The following INTS6 variants were observed in gnomAD, a reference collection of about 807,000 sequenced individuals.
INTS6 encodes integrator complex subunit 6.
Under a neutral mutation model 104.9 loss-of-function variants are expected in INTS6, and 16 were observed. The observed-to-expected ratio is 0.15, with a 90% CI of 0.10 to 0.23. The LOEUF (loss-of-function observed/expected upper bound fraction) is 0.23. Ranked by LOEUF, INTS6 falls within the 10% of genes least tolerant of loss-of-function variation. INTS6 has a pLI of 1.00. For missense variants in INTS6, 584 were observed against 1,062.8 expected (o/e 0.55, Z 6.26); for synonymous variants, 324 against 358.7 (o/e 0.90, Z 1.09).
chr13:51,358,281 C>A (rs991678668), downstream of INTS6, among the ~76,000 whole-genome samples: 7 of 151,998 alleles, frequency 4.6e-5, no homozygotes, highest in African/African-American at 1.4e-4. Flanking sequence ...CTGGCTACAG[C>A]AAATAATTGT....
Position 51,389,448 on chromosome 13 carries a change from A to C in INTS6, c.614-4T>G. 2 of 1,589,688 alleles carry C rather than the reference A, an allele frequency of 1.3e-6. No individual in the cohort carries two copies. Among genetic ancestry groups the C allele is most frequent in the African/African-American group, 2.7e-5 (2 of 73,186 alleles). On this transcript the variant is annotated splice_region_variant and splice_polypyrimidine_tract_variant and intron_variant, in intron 5 of 17. Coordinates refer to ENST00000311234, the MANE Select transcript of INTS6 (RefSeq NM_012141.3). The stretch of plus-strand genomic sequence containing the variant: ...GAACACACAGAATATGAACGGCCTG[A>C]GATTAAAAAAAAGAAGAAGAAGAAG...
At chr13:51,344,567 A>G in the INTS6 span, 1 of 1,160,764 alleles carries the variant, frequency 8.6e-7, no homozygotes, top group Non-Finnish European at 1.3e-6. Flanking sequence ...GTCAGAGGCC[A>G]TGGTGCTCAG....
chr13:51,415,265 A>G (rs1956767628), intron 4 of INTS6, among the ~76,000 whole-genome samples: 2 of 152,194 alleles, frequency 1.3e-5, no homozygotes, highest in South Asian at 4.1e-4. Context: ...CCAGGGTCCC[A>G]TTCATCTAGA....
chr13:51,437,082 A>G (rs1190360346), intron 3 of INTS6: 3 of 152,246 alleles, frequency 2.0e-5, no homozygotes, highest in South Asian at 2.1e-4. Flanking sequence ...ACTTGGGAAA[A>G]TTTTATTCTA....
intron 3 of INTS6, chr13:51,447,604 C>G (rs1952944777): frequency 6.6e-6 from 1 of 152,022 alleles, no homozygotes; most frequent in Admixed American, 6.6e-5. Context: ...GCCATTCTAA[C>G]TCCTGGAACA....
At chr13:51,431,735 T>C (rs1957093929) in intron 3 of INTS6, among the ~76,000 whole-genome samples, 1 of 152,098 alleles carries the variant, frequency 6.6e-6, no homozygotes, top group African/African-American at 2.4e-5. Context: ...AAGAAAAAAA[T>C]GGTTCCGGGG....
chr13:51,411,998 A>G (rs750740305), intron 4 of INTS6, among the ~76,000 whole-genome samples: 2 of 152,236 alleles, frequency 1.3e-5, no homozygotes, highest in Non-Finnish European at 2.9e-5. Context: ...ATCTACTGAC[A>G]TATGCAGCAA....
the INTS6 span, chr13:51,341,277 G>A: frequency 6.2e-7 from 1 of 1,613,956 alleles, no homozygotes; most frequent in South Asian, 1.1e-5. Flanking sequence ...TCCCCCTGGA[G>A]ATCCTGCAGT....
At chr13:51,404,006 T>A (rs534362806) in intron 4 of INTS6, among the ~76,000 whole-genome samples, 2 of 150,880 alleles carry the variant, frequency 1.3e-5, no homozygotes, top group South Asian at 4.2e-4. Context: ...CAGGATTGCA[T>A]GAGGCCAGGA....
intron 4 of INTS6, among the ~76,000 whole-genome samples, chr13:51,424,650 C>T (rs150124454): frequency 6.6e-6 from 1 of 152,042 alleles, no homozygotes; most frequent in East Asian, 1.9e-4. Flanking sequence ...GATGAATTGA[C>T]AGAGACTAAC....
intron 3 of INTS6, chr13:51,354,981 G>A: frequency 1.3e-6 from 1 of 791,208 alleles, no homozygotes; most frequent in Non-Finnish European, 2.1e-6. Context: ...ACTTCATGTG[G>A]TGTGTATGAA....
intron 3 of INTS6, chr13:51,438,366 TTA>T (rs1458653808): frequency 6.6e-6 from 1 of 152,066 alleles, no homozygotes; most frequent in Non-Finnish European, 1.5e-5. Flanking sequence ...AAAAAAAGTT[TTA>T]TAAGCCTTCC....
intron 4 of INTS6, among the ~76,000 whole-genome samples, chr13:51,412,065 A>G (rs1241879022): frequency 6.6e-6 from 1 of 152,226 alleles, no homozygotes; most frequent in East Asian, 1.9e-4. Context: ...TATACAGTGT[A>G]TAATTTTTTG....
chr13:51,375,760 TGTGTGTGCGCGCGC>T (rs1444119830), intron 13 of INTS6, among the ~76,000 whole-genome samples: 4 of 151,276 alleles, frequency 2.6e-5, no homozygotes, highest in African/African-American at 9.8e-5. Flanking sequence ...TGTGTGTGTG[TGTGTGTGCGCGCGC>T]GTGCGCGCAT....
At chr13:51,340,556 G>T in the INTS6 span, among the ~76,000 whole-genome samples, 7 of 152,256 alleles carry the variant, frequency 4.6e-5, no homozygotes, top group African/African-American at 7.2e-5. Flanking sequence ...GGCCTCAAAG[G>T]TTCAATCATC....
chr13:51,338,841 T>A, the INTS6 span, among the ~76,000 whole-genome samples: 1 of 152,238 alleles, frequency 6.6e-6, no homozygotes, highest in African/African-American at 2.4e-5. Flanking sequence ...GTCCATTGAT[T>A]TTCAAATATT....
the INTS6 span, among the ~76,000 whole-genome samples, chr13:51,334,754 G>C: frequency 1.3e-5 from 2 of 152,124 alleles, 1 homozygote; most frequent in Middle Eastern, 6.3e-3. Context: ...GGCCGAGGCA[G>C]GTGGATCACC....
chr13:51,385,307 T>A (rs889271238), intron 7 of INTS6: 1 of 152,724 alleles, frequency 6.5e-6, no homozygotes, highest in African/African-American at 2.4e-5. Flanking sequence ...CACTGTACTC[T>A]ATGATGTGTA....
intron 4 of INTS6, among the ~76,000 whole-genome samples, chr13:51,403,905 C>T (rs932202221): frequency 1.3e-5 from 2 of 151,960 alleles, no homozygotes; most frequent in African/African-American, 4.8e-5. Flanking sequence ...ATCACAAGCA[C>T]CTCTCAGTGT....
Sources: gnomAD v4.1 joint callset for allele counts (sites outside exome capture counted in the v4.1 genomes callset) on GRCh38, gnomAD v4.1.1 for gene constraint, MANE v1.5 for transcripts, NCBI Gene and HGNC (gene_info 2026-07-23, HGNC 2026-07-21) for gene names.